The following GRM5 variants were observed in gnomAD, a reference collection of about 807,000 sequenced individuals.
GRM5 encodes metabotropic glutamate receptor 5.
Under a neutral mutation model 83.1 loss-of-function variants are expected in GRM5, and 19 were observed. The observed-to-expected ratio is 0.23, with a 90% CI of 0.16 to 0.34. GRM5 has a LOEUF of 0.34. GRM5 is among the 10% of genes least tolerant of loss of function. GRM5 has a pLI of 1.00. For synonymous variants in GRM5, 675 were observed against 633.6 expected (o/e 1.07, Z -0.98); for missense variants, 1,160 against 1,588.3 (o/e 0.73, Z 4.58).
At chr11:88,626,969 T>G (rs1938815829) in intron 4 of GRM5, among the ~76,000 whole-genome samples, 3 of 151,920 alleles carry the variant, frequency 2.0e-5, no homozygotes, top group Admixed American at 2.0e-4. Flanking sequence ...CCTCCAGCGC[T>G]GTGAAAAAAA....
chr11:88,816,106 G>A (rs375015221), intron 3 of GRM5, among the ~76,000 whole-genome samples: 4 of 146,388 alleles, frequency 2.7e-5, no homozygotes, highest in East Asian at 4.0e-4. Flanking sequence ...CCAGCTACTC[G>A]GGAGGCTGAG....
chr11:88,916,362 G>C (rs1309885256), intron 2 of GRM5, among the ~76,000 whole-genome samples: 1 of 152,230 alleles, frequency 6.6e-6, no homozygotes, highest in East Asian at 1.9e-4. Context: ...GGTAGAAGGA[G>C]AGTGCATTGA....
chr11:88,750,623 A>G (rs1389444665), intron 3 of GRM5, among the ~76,000 whole-genome samples: 2 of 152,208 alleles, frequency 1.3e-5, no homozygotes, highest in Non-Finnish European at 2.9e-5. Context: ...CAAATTCAAT[A>G]GAATATACAT....
chr11:88,653,152 T>G lies in GRM5; in HGVS notation c.1147+16A>C. ...TTAGCCTTATGCATTTTAAATGAAATAATAAATCTGCTTACTATTGCAAGT... is the reference window on the plus strand; with the variant it reads ...TTAGCCTTATGCATTTTAAATGAAAGAATAAATCTGCTTACTATTGCAAGT... On this transcript the variant is annotated intron_variant, in intron 4 of 9. Transcript: ENST00000305447. 1 of 1,438,472 alleles carries G rather than the reference T, an allele frequency of 7.0e-7. No individual in the cohort carries two copies. Among genetic ancestry groups the G allele is most frequent in the Non-Finnish European group, 9.8e-7 (1 of 1,021,020 alleles). The allele number at this position is 1,438,472 out of a possible 1,614,324, so 89.1% of individuals were successfully genotyped here.
intron 3 of GRM5, among the ~76,000 whole-genome samples, chr11:88,703,448 G>A (rs535117688): frequency 9.7e-4 from 148 of 152,152 alleles, no homozygotes; most frequent in African/African-American, 3.3e-3. Context: ...TGATCACAGT[G>A]GGACTATGGG....
intron 8 of GRM5, among the ~76,000 whole-genome samples, chr11:88,555,643 G>T (rs1253866399): frequency 6.6e-6 from 1 of 152,092 alleles, no homozygotes; most frequent in African/African-American, 2.4e-5. Flanking sequence ...CAGCAGAGGG[G>T]GAGTCACGCA....
intron 3 of GRM5, among the ~76,000 whole-genome samples, chr11:88,763,760 T>C (rs1331668311): frequency 6.6e-6 from 1 of 151,766 alleles, no homozygotes; most frequent in Non-Finnish European, 1.5e-5. Flanking sequence ...ATAGAGTATC[T>C]ACAAAAATAA....
chr11:88,894,393 T>A (rs1945197041), intron 2 of GRM5, among the ~76,000 whole-genome samples: 1 of 152,002 alleles, frequency 6.6e-6, no homozygotes. Flanking sequence ...CCTCAGCTCC[T>A]GTACTGCTTG....
At chr11:88,832,838 A>G (rs1012514478) in intron 3 of GRM5, among the ~76,000 whole-genome samples, 5 of 152,140 alleles carry the variant, frequency 3.3e-5, no homozygotes, top group African/African-American at 1.2e-4. Flanking sequence ...TGATTTTTGG[A>G]AAAGTTGTCA....
intron 3 of GRM5, among the ~76,000 whole-genome samples, chr11:88,696,561 A>G (rs1940907934): frequency 6.6e-6 from 1 of 152,154 alleles, no homozygotes. Flanking sequence ...GTTTAAGTGA[A>G]GTGGTCATCT....
At chr11:88,880,777 A>G (rs1255611978) in intron 2 of GRM5, among the ~76,000 whole-genome samples, 1 of 152,162 alleles carries the variant, frequency 6.6e-6, no homozygotes, top group African/African-American at 2.4e-5. Context: ...AGGTACGAAC[A>G]ATTAAGTGTG....
intron 3 of GRM5, among the ~76,000 whole-genome samples, chr11:88,674,229 C>T (rs557352409): frequency 6.6e-6 from 1 of 152,000 alleles, no homozygotes; most frequent in South Asian, 2.1e-4. Flanking sequence ...ATTCTCCTAA[C>T]ACTCCTCTTG....
At chr11:88,705,690 A>C (rs1353805) in intron 3 of GRM5, among the ~76,000 whole-genome samples, 119,637 of 151,284 alleles carry the variant, frequency 0.79, 50,883 homozygotes, top group Non-Finnish European at 0.96. Flanking sequence ...AATCTCATAT[A>C]TATTCCATCT....
At position 88,506,505 on chromosome 11, in the gene GRM5, C is replaced by T; in HGVS notation, c.*2087G>A. 6.6e-6 allele frequency: 1 copy of T among 152,130 alleles called. No homozygotes were observed. Among genetic ancestry groups the T allele is most frequent in the East Asian group, 1.9e-4 (1 of 5,190 alleles). The allele number at this position is 152,130 out of a possible 1,614,324, so 9.4% of individuals were successfully genotyped here. On this transcript the variant is annotated 3_prime_UTR_variant, in exon 10 of 10. Transcript: ENST00000305447. The stretch of plus-strand genomic sequence containing the variant: ...CATTTGTTTTTCAGATAGAGGCAGA[C>T]ATTTGCTTTTAATGAAACCATGAAA...
intron 8 of GRM5, among the ~76,000 whole-genome samples, chr11:88,552,903 G>GA (rs1942544805): frequency 6.6e-6 from 1 of 152,150 alleles, no homozygotes; most frequent in Non-Finnish European, 1.5e-5. Flanking sequence ...TTTCCAAGGG[G>GA]AAATTAGATA....
At chr11:88,781,155 A>C (rs983365540) in intron 3 of GRM5, among the ~76,000 whole-genome samples, 1 of 148,432 alleles carries the variant, frequency 6.7e-6, no homozygotes, top group Non-Finnish European at 1.5e-5. Context: ...ATATGTATAT[A>C]TTTGGTGTAT....
chr11:88,521,076 C>T (rs150480654), intron 9 of GRM5, among the ~76,000 whole-genome samples: 5 of 152,162 alleles, frequency 3.3e-5, no homozygotes, highest in Non-Finnish European at 5.9e-5. Context: ...CTAGGAGGCT[C>T]AGAATGTCTT....
At chr11:89,029,879 G>A (rs1325934775) in intron 2 of GRM5, among the ~76,000 whole-genome samples, 2 of 152,132 alleles carry the variant, frequency 1.3e-5, no homozygotes, top group African/African-American at 4.8e-5. Flanking sequence ...GGGTTTCCAG[G>A]GAAACAGTGC....
intron 3 of GRM5, among the ~76,000 whole-genome samples, chr11:88,734,607 A>T (rs781136784): frequency 1.2e-4 from 19 of 152,076 alleles, no homozygotes; most frequent in Admixed American, 3.9e-4. Context: ...TCTATTTTAA[A>T]TTTTTTCTTG....
Sources: allele counts gnomAD v4.1 joint callset (sites outside exome capture counted in the v4.1 genomes callset), GRCh38; gene constraint gnomAD v4.1.1; transcripts MANE v1.5; gene names NCBI Gene and HGNC (gene_info 2026-07-23, HGNC 2026-07-21).